The following B4GALT1 variants were observed in gnomAD, a reference collection of about 807,000 sequenced individuals.
B4GALT1 encodes N-acetyllactosamine synthase.
A neutral mutation model predicts 34.9 loss-of-function variants in B4GALT1; 16 were observed. The ratio of observed to expected loss-of-function variants is 0.46; its 90% CI spans 0.31 to 0.70. The LOEUF (loss-of-function observed/expected upper bound fraction) is 0.70. B4GALT1 is among the 30% of genes least tolerant of loss of function. The probability of loss-of-function intolerance (pLI) is 0.05; values close to 1 mark genes in which losing one functional copy is unlikely to be tolerated. For synonymous variants in B4GALT1, 221 were observed against 218.1 expected (o/e 1.01, Z -0.12); for missense variants, 445 against 530.5 (o/e 0.84, Z 1.58).
chr9:33,112,155 AG>A lies in B4GALT1; in HGVS notation c.*1298del, dbSNP rs1238827304. 1 of 152,706 alleles carries A rather than the reference AG, an allele frequency of 6.5e-6. No individual in the cohort carries two copies. The highest frequency in any genetic ancestry group is 1.9e-4 in the East Asian group (1 of 5,184). 9.5% of individuals were successfully genotyped at this position (152,706 alleles called of 1,614,324 possible). A position where few individuals can be genotyped will look rare whatever the true frequency, so the allele number is the denominator to read the frequency against. On this transcript the variant is annotated 3_prime_UTR_variant, in exon 6 of 6. Transcript: ENST00000379731. Reference sequence around the variant, plus strand: ...ACTGGTAACAAAGGGTGGGCCACGGAGTGTGGCTAGCAGAGCCTCTGAGGGA... The same window carrying A: ...ACTGGTAACAAAGGGTGGGCCACGGATGTGGCTAGCAGAGCCTCTGAGGGA...
At chr9:33,181,423 T>TACAC in the B4GALT1 span, among the ~76,000 whole-genome samples, 33,478 of 136,900 alleles carry the variant, frequency 0.24, 4,321 homozygotes, top group Admixed American at 0.33. Context: ...GACCCTGTCT[T>TACAC]ACACACACAC....
At chr9:33,124,203 C>A (rs1042670457) in intron 2 of B4GALT1, among the ~76,000 whole-genome samples, 1 of 152,186 alleles carries the variant, frequency 6.6e-6, no homozygotes, top group African/African-American at 2.4e-5. Context: ...CAGGCCCTGG[C>A]AAGCTCACCA....
In B4GALT1 at chr9:33,112,430, A is replaced by G. The variant is rs1320894580; in HGVS notation, c.*1024T>C. 6.6e-6 allele frequency: 1 copy of G among 152,586 alleles called. No homozygotes were observed. The highest frequency in any genetic ancestry group is 1.5e-5 in the Non-Finnish European group (1 of 68,038). The allele number at this position is 152,586 out of a possible 1,614,324, so 9.5% of individuals were successfully genotyped here. ...GTCTGGCAGGATAATGCTGACCGGG[A>G]GGCCTTACCTGCCAAGGGGCCAGAG... is the stretch of plus-strand genomic sequence containing the variant. On this transcript the variant is annotated 3_prime_UTR_variant, in exon 6 of 6. Transcript: ENST00000379731.
intron 2 of B4GALT1, among the ~76,000 whole-genome samples, chr9:33,105,146 T>G (rs142290373): frequency 4.7e-4 from 71 of 151,576 alleles, no homozygotes; most frequent in African/African-American, 1.7e-3. Context: ...CCTTATTTAT[T>G]TATTTATTTT....
chr9:33,116,804 A>T (rs918195576), intron 3 of B4GALT1, among the ~76,000 whole-genome samples: 1 of 144,414 alleles, frequency 6.9e-6, no homozygotes, highest in Admixed American at 6.8e-5. Flanking sequence ...ATCACAGGCA[A>T]GAGCCACCAT....
Position 33,135,428 on chromosome 9 carries a change from G to A in B4GALT1, c.413-4C>T. 1 of 1,613,876 alleles carries A rather than the reference G, an allele frequency of 6.2e-7. No individual in the cohort carries two copies. The highest frequency in any genetic ancestry group is 8.5e-7 in the Non-Finnish European group (1 of 1,179,886). ...AACTCAATCAGCATGGGGCCCACTA[G>A]AGAGGTGGAGGGAGGGAGAAGTTAG... On this transcript the variant is annotated splice_polypyrimidine_tract_variant and splice_region_variant and intron_variant, in intron 1 of 5. Transcript: ENST00000379731.
At chr9:33,168,854 C>T (rs1840810660), upstream of B4GALT1, among the ~76,000 whole-genome samples, 1 of 152,222 alleles carries the variant, frequency 6.6e-6, no homozygotes, top group Non-Finnish European at 1.5e-5. Context: ...AAACACAATA[C>T]ATCTTGCCCT....
chr9:33,105,880 GTTT>G (rs35330697), downstream of B4GALT1, among the ~76,000 whole-genome samples: 79 of 85,742 alleles, frequency 9.2e-4, no homozygotes, highest in South Asian at 3.8e-3. Context: ...GGACTCGTGG[GTTT>G]TTTTTTTTTT....
chr9:33,167,368 G>C, upstream of B4GALT1: 2 of 595,348 alleles, frequency 3.4e-6, no homozygotes, highest in Non-Finnish European at 4.9e-6. Flanking sequence ...CCGGCGGAGA[G>C]GGGAGGGGCG....
the B4GALT1 span, among the ~76,000 whole-genome samples, chr9:33,177,960 C>CT: frequency 6.9e-6 from 1 of 145,758 alleles, no homozygotes; most frequent in African/African-American, 2.5e-5. Context: ...AAGGAGCATT[C>CT]TGAATGCATA....
intron 1 of B4GALT1, among the ~76,000 whole-genome samples, chr9:33,159,266 A>G (rs1320465043): frequency 6.6e-6 from 1 of 152,184 alleles, no homozygotes; most frequent in Non-Finnish European, 1.5e-5. Context: ...GCATTTTTAG[A>G]ATATACTCTG....
At chr9:33,156,953 A>G (rs1840602060) in intron 1 of B4GALT1, among the ~76,000 whole-genome samples, 1 of 152,146 alleles carries the variant, frequency 6.6e-6, no homozygotes, top group African/African-American at 2.4e-5. Context: ...AAAGAGCCAC[A>G]GTAAGGCTCC....
rs764400945 is a variant in B4GALT1, at chr9:33,113,449, A to G, written c.*5T>C. On this transcript the variant is annotated 3_prime_UTR_variant, in exon 6 of 6. Coordinates refer to ENST00000379731, the MANE Select transcript of B4GALT1 (RefSeq NM_001497.4). ...TTTCAGGTCTCTTATCCGTGTACCA[A>G]AACGCTAGCTCGGTGTCCCGATGTC... 1 of 1,614,154 alleles carries G rather than the reference A, an allele frequency of 6.2e-7. No homozygotes were observed. The highest frequency in any genetic ancestry group is 1.3e-5 in the African/African-American group (1 of 75,044).
At chr9:33,105,756 G>A (rs2117967250), downstream of B4GALT1, among the ~76,000 whole-genome samples, 1 of 152,084 alleles carries the variant, frequency 6.6e-6, no homozygotes, top group Admixed American at 6.5e-5. Context: ...ATTTCGGTTA[G>A]CATAATATCT....
At chr9:33,126,233 A>G (rs1564040410) in intron 2 of B4GALT1, among the ~76,000 whole-genome samples, 1 of 152,120 alleles carries the variant, frequency 6.6e-6, no homozygotes, top group Non-Finnish European at 1.5e-5. Context: ...GGGTTGCATG[A>G]AACAGTAACA....
At chr9:33,144,401 A>T (rs1052953148) in intron 1 of B4GALT1, among the ~76,000 whole-genome samples, 3 of 151,558 alleles carry the variant, frequency 2.0e-5, no homozygotes, top group African/African-American at 7.3e-5. Flanking sequence ...CACCCAGCTA[A>T]TTTTTTGTAT....
intron 1 of B4GALT1, among the ~76,000 whole-genome samples, chr9:33,151,971 T>A (rs1249748685): frequency 6.6e-6 from 1 of 152,162 alleles, no homozygotes; most frequent in Non-Finnish European, 1.5e-5. Context: ...CCTGCTTAAG[T>A]ATGAAAGCAA....
chr9:33,158,070 G>C (rs1330612363), intron 1 of B4GALT1, among the ~76,000 whole-genome samples: 1 of 152,136 alleles, frequency 6.6e-6, no homozygotes, highest in Non-Finnish European at 1.5e-5. Context: ...CATGGGTAGT[G>C]AGCTTCAAAA....
the B4GALT1 span, among the ~76,000 whole-genome samples, chr9:33,181,861 T>C: frequency 2.0e-5 from 3 of 152,218 alleles, no homozygotes; most frequent in Non-Finnish European, 4.4e-5. Context: ...ACTTGGTGGC[T>C]TCAAACAACA....
Sources: allele counts gnomAD v4.1 joint callset (sites outside exome capture counted in the v4.1 genomes callset), GRCh38; gene constraint gnomAD v4.1.1; transcripts MANE v1.5; gene names NCBI Gene and HGNC (gene_info 2026-07-23, HGNC 2026-07-21).